The following MAN1A1 variants were observed in gnomAD, a reference collection of about 807,000 sequenced individuals.
The protein encoded by MAN1A1 is mannosyl-oligosaccharide 1,2-alpha-mannosidase IA.
In MAN1A1, 29 loss-of-function variants were observed where a neutral mutation model predicts 70.8. The observed-to-expected ratio is 0.41, with a 90% CI of 0.31 to 0.56. MAN1A1 has a LOEUF of 0.56. Among genes scored for constraint, MAN1A1 ranks in the 20% least tolerant of loss-of-function variants. The probability of loss-of-function intolerance (pLI) is 0.29; values close to 1 mark genes in which losing one functional copy is unlikely to be tolerated. For synonymous variants in MAN1A1, 349 were observed against 330.1 expected, an observed-to-expected ratio of 1.06 and a Z score of -0.62; for missense variants, 747 against 841.3, an observed-to-expected ratio of 0.89 and a Z score of 1.39.
At chr6:119,292,364 T>A (rs537260654) in intron 4 of MAN1A1, among the ~76,000 whole-genome samples, 6 of 152,100 alleles carry the variant, frequency 3.9e-5, no homozygotes, top group Non-Finnish European at 8.8e-5. Context: ...GGAGTCAATA[T>A]CTGGCAAATA....
intron 4 of MAN1A1, 122 bp from the exon 5 acceptor site, chr6:119,290,885 T>C: frequency 1.6e-6 from 1 of 625,150 alleles, no homozygotes; most frequent in Non-Finnish European, 2.8e-6. Flanking sequence ...GAAGTTTATA[T>C]ACAGGGGGAA....
chr6:119,261,237 C>T (rs1206532835), intron 5 of MAN1A1, among the ~76,000 whole-genome samples: 3 of 152,248 alleles, frequency 2.0e-5, no homozygotes, highest in Non-Finnish European at 2.9e-5. Flanking sequence ...CCTCCACCTC[C>T]TAAAGTGCTG....
chr6:119,242,093 G>A (rs114756081), intron 6 of MAN1A1, among the ~76,000 whole-genome samples: 169 of 150,500 alleles, frequency 1.1e-3, no homozygotes, highest in African/African-American at 4.0e-3. Flanking sequence ...CAAGAACTAG[G>A]AAACAGGGCT....
intron 5 of MAN1A1, among the ~76,000 whole-genome samples, chr6:119,259,801 A>AC (rs1371887859): frequency 2.6e-5 from 4 of 152,156 alleles, no homozygotes; most frequent in African/African-American, 7.2e-5. Context: ...ATATTTGTAC[A>AC]CCTTGAAACT....
At chr6:119,342,343 C>T (rs1340222297) in intron 2 of MAN1A1, among the ~76,000 whole-genome samples, 1 of 152,150 alleles carries the variant, frequency 6.6e-6, no homozygotes, top group African/African-American at 2.4e-5. Context: ...TGGATCAATG[C>T]AATCTTGGCT....
At chr6:119,187,077 C>G (rs1252319698) in intron 11 of MAN1A1, among the ~76,000 whole-genome samples, 1 of 152,224 alleles carries the variant, frequency 6.6e-6, no homozygotes, top group Non-Finnish European at 1.5e-5. Flanking sequence ...TCCTGTCTAC[C>G]TGGCAATACG....
intron 6 of MAN1A1, among the ~76,000 whole-genome samples, chr6:119,232,968 T>C (rs1393888866): frequency 1.3e-5 from 2 of 152,200 alleles, no homozygotes; most frequent in Admixed American, 6.5e-5. Flanking sequence ...TTATTCTATA[T>C]AGTGCTTATG....
At chr6:119,331,939 G>C (rs560209264) in intron 2 of MAN1A1, 1 of 509,952 alleles carries the variant, frequency 2.0e-6, no homozygotes, top group African/African-American at 1.9e-5. Flanking sequence ...GACAGACCTG[G>C]ATTTCAACCT....
chr6:119,188,934 G>A (rs1227504241), intron 10 of MAN1A1, among the ~76,000 whole-genome samples: 3 of 152,016 alleles, frequency 2.0e-5, no homozygotes, highest in Non-Finnish European at 4.4e-5. Context: ...CATTTTTTGG[G>A]AACATTTCTG....
chr6:119,311,482 T>G (rs890064766), intron 2 of MAN1A1, among the ~76,000 whole-genome samples: 1 of 152,204 alleles, frequency 6.6e-6, no homozygotes, highest in Admixed American at 6.5e-5. Context: ...GTTCATACAC[T>G]AGCTTTCATA....
intron 6 of MAN1A1, among the ~76,000 whole-genome samples, chr6:119,206,693 C>A (rs1773870408): frequency 6.6e-6 from 1 of 152,178 alleles, no homozygotes; most frequent in African/African-American, 2.4e-5. Flanking sequence ...TAGCTACTTT[C>A]AAAGTTTACT....
chr6:119,323,351 A>G (rs752017200), intron 2 of MAN1A1, among the ~76,000 whole-genome samples: 4 of 152,214 alleles, frequency 2.6e-5, no homozygotes, highest in Non-Finnish European at 5.9e-5. Flanking sequence ...CTTTTGCCAT[A>G]TTGATGTAAG....
intron 2 of MAN1A1, among the ~76,000 whole-genome samples, chr6:119,328,000 A>G (rs9489686): frequency 0.37 from 56,102 of 152,030 alleles, 10,824 homozygotes; most frequent in Non-Finnish European, 0.41. Context: ...ATTCTCCCCC[A>G]GAGCCAGAGA....
intron 11 of MAN1A1, among the ~76,000 whole-genome samples, chr6:119,186,026 A>G (rs1451106819): frequency 1.3e-5 from 2 of 152,094 alleles, no homozygotes; most frequent in Non-Finnish European, 2.9e-5. Flanking sequence ...GGAAAGGAAG[A>G]GATGGCAGAA....
At chr6:119,334,302 CA>C (rs1421004584) in intron 2 of MAN1A1, among the ~76,000 whole-genome samples, 2 of 152,162 alleles carry the variant, frequency 1.3e-5, no homozygotes, top group Non-Finnish European at 2.9e-5. Flanking sequence ...TCGTGCCCAA[CA>C]AAGAATATCT....
intron 5 of MAN1A1, chr6:119,269,444 T>G (rs1076656): frequency 0.48 from 79,028 of 165,892 alleles, 19,263 homozygotes; most frequent in East Asian, 0.68. Flanking sequence ...GTCAGGGACG[T>G]CCTGGCCTCG....
At chr6:119,266,834 T>C (rs1047392703) in intron 5 of MAN1A1, among the ~76,000 whole-genome samples, 1 of 152,146 alleles carries the variant, frequency 6.6e-6, no homozygotes, top group African/African-American at 2.4e-5. Flanking sequence ...TTGCAAAACA[T>C]GTATCTAATA....
At chr6:119,182,488 T>G (rs1432707117) in intron 11 of MAN1A1, among the ~76,000 whole-genome samples, 1 of 152,074 alleles carries the variant, frequency 6.6e-6, no homozygotes, top group Non-Finnish European at 1.5e-5. Flanking sequence ...TGGTTTCAGG[T>G]CTTACATTTA....
intron 10 of MAN1A1, 89 bp downstream of exon 10, chr6:119,189,575 G>A (rs959445879): frequency 1.7e-6 from 2 of 1,149,906 alleles, no homozygotes; most frequent in East Asian, 2.4e-5. Flanking sequence ...TAGGCAGAGC[G>A]GATAGTCTTT....
Sources: gnomAD v4.1 joint callset for allele counts (sites outside exome capture counted in the v4.1 genomes callset) on GRCh38, gnomAD v4.1.1 for gene constraint, MANE v1.5 for transcripts, NCBI Gene and HGNC (gene_info 2026-07-23, HGNC 2026-07-21) for gene names.